The following DLG2 variants were observed in gnomAD, a reference collection of about 807,000 sequenced individuals.
The protein encoded by DLG2 is discs large MAGUK scaffold protein 2, also known as disks large homolog 2.
A neutral mutation model predicts 132.5 loss-of-function variants in DLG2; 45 were observed. That is an observed-to-expected ratio of 0.34 (90% confidence interval 0.27 to 0.44). The LOEUF (loss-of-function observed/expected upper bound fraction) is 0.44. Among genes scored for constraint, DLG2 ranks in the 20% least tolerant of loss-of-function variants. DLG2 has a pLI of 1.00. For missense variants in DLG2, 1,045 were observed against 1,196.9 expected (o/e 0.87, Z 1.87); for synonymous variants, 424 against 419.6 (o/e 1.01, Z -0.13).
At chr11:85,324,110 G>T (rs1050251670) in intron 3 of DLG2, among the ~76,000 whole-genome samples, 11 of 152,098 alleles carry the variant, frequency 7.2e-5, no homozygotes, top group Non-Finnish European at 2.9e-5. Context: ...CTTGGGGTAG[G>T]GGGTCACACA....
rs570389594 is a variant in DLG2 at position 83,622,091 on chromosome 11, T to G, written c.1940+11120A>C. ...CACCATGCCAGGCTAATTTTTGTGT[T>G]GTTTTGTTTTGTTTTTGGTAGAGAT... On this transcript the variant is annotated intron_variant, in intron 19 of 27. Coordinates refer to ENST00000376104, the MANE Select transcript of DLG2 (RefSeq NM_001142699.3). 1.6e-4 allele frequency among the ~76,000 whole-genome samples: 25 copies of G among 152,182 alleles called. No individual in the cohort carries two copies. In the East Asian group the frequency reaches 4.7e-3, roughly 28 times the overall value.
intron 7 of DLG2, among the ~76,000 whole-genome samples, chr11:84,321,747 A>C (rs569584957): frequency 6.6e-6 from 1 of 152,318 alleles, no homozygotes; most frequent in African/African-American, 2.4e-5. Flanking sequence ...ACAGCTCCAA[A>C]ATAAAGCTTC....
At chr11:84,590,359 T>G (rs1260502271) in intron 6 of DLG2, among the ~76,000 whole-genome samples, 1 of 152,204 alleles carries the variant, frequency 6.6e-6, no homozygotes, top group African/African-American at 2.4e-5. Context: ...GTTCTTAAAC[T>G]GTTGGCTATG....
chr11:84,344,345 G>T (rs1176964769), intron 7 of DLG2, among the ~76,000 whole-genome samples: 1 of 152,116 alleles, frequency 6.6e-6, no homozygotes, highest in African/African-American at 2.4e-5. Flanking sequence ...AGGGCTTTTG[G>T]AAAGGTTCAA....
chr11:85,021,497 C>T, intron 6 of DLG2: 1 of 1,479,820 alleles, frequency 6.8e-7, no homozygotes, highest in South Asian at 1.1e-5. Flanking sequence ...TGAAAGAAGG[C>T]AAAGCCGTTA....
At chr11:83,672,001 A>C (rs543337613) in intron 18 of DLG2, among the ~76,000 whole-genome samples, 1 of 152,214 alleles carries the variant, frequency 6.6e-6, no homozygotes, top group Non-Finnish European at 1.5e-5. Context: ...TTATTGAAGA[A>C]GCCTGAGTTT....
intron 6 of DLG2, among the ~76,000 whole-genome samples, chr11:84,578,347 G>A (rs1281376470): frequency 6.6e-6 from 1 of 152,074 alleles, no homozygotes; most frequent in African/African-American, 2.4e-5. Context: ...ACCTGAAAAA[G>A]CCTCAGACAC....
At chr11:83,790,192 G>A in intron 17 of DLG2, 1 of 869,206 alleles carries the variant, frequency 1.2e-6, no homozygotes, top group African/African-American at 1.7e-5. Context: ...CAGAGTCCCT[G>A]ACTGAATGCT....
At chr11:84,818,881 C>A (rs2077357102) in intron 6 of DLG2, among the ~76,000 whole-genome samples, 2 of 151,690 alleles carry the variant, frequency 1.3e-5, no homozygotes, top group Non-Finnish European at 2.9e-5. Flanking sequence ...GCCACAATGC[C>A]TTCTTCTCGG....
chr11:83,592,565 T>C (rs1342727329), intron 19 of DLG2, among the ~76,000 whole-genome samples: 8 of 152,148 alleles, frequency 5.3e-5, no homozygotes, highest in South Asian at 2.1e-4. Context: ...GGCATCACCA[T>C]TCAGGACATA....
In DLG2 at chr11:84,808,075, A is replaced by G. The variant is rs1041582396; in HGVS notation, c.358-273344T>C. Among the ~76,000 whole-genome samples the G allele has an allele frequency of 3.9e-5, 6 of 152,174 alleles. No homozygotes were observed. The East Asian group carries it at 1.2e-3, about 29-fold the overall frequency. Reference sequence around the variant, plus strand: ...CTCAAGTGCCCATAGAACATTTACAATGCATTGTATCCAGAGCCACAATGC... The same window carrying G: ...CTCAAGTGCCCATAGAACATTTACAGTGCATTGTATCCAGAGCCACAATGC... On this transcript the variant is annotated intron_variant, in intron 6 of 27. Coordinates refer to ENST00000376104, the MANE Select transcript of DLG2 (RefSeq NM_001142699.3).
intron 6 of DLG2, among the ~76,000 whole-genome samples, chr11:85,053,409 G>T (rs549598900): frequency 1.3e-5 from 2 of 152,228 alleles, no homozygotes; most frequent in South Asian, 4.1e-4. Context: ...TAAGATGACT[G>T]ATCCAGTGAG....
At chr11:83,645,084 G>C (rs2067750264) in intron 18 of DLG2, among the ~76,000 whole-genome samples, 1 of 152,102 alleles carries the variant, frequency 6.6e-6, no homozygotes, top group South Asian at 2.1e-4. Flanking sequence ...GATGGGAATG[G>C]AGAAGGGACA....
At chr11:83,599,291 T>C (rs1321281779) in intron 19 of DLG2, among the ~76,000 whole-genome samples, 3 of 152,074 alleles carry the variant, frequency 2.0e-5, no homozygotes, top group East Asian at 1.9e-4. Flanking sequence ...GCCTAACCCC[T>C]CCAGAGGAGA....
At chr11:84,508,464 G>A (rs537861899) in intron 7 of DLG2, among the ~76,000 whole-genome samples, 6 of 148,020 alleles carry the variant, frequency 4.1e-5, no homozygotes, top group South Asian at 2.1e-4. Flanking sequence ...GTGCAGTGGC[G>A]CAATCTCAGC....
At chr11:85,516,161 T>C (rs1323302609) in intron 3 of DLG2, among the ~76,000 whole-genome samples, 21 of 151,960 alleles carry the variant, frequency 1.4e-4, no homozygotes, top group Admixed American at 1.1e-3. Context: ...CTCAAAAATA[T>C]ACAAACACAT....
intron 6 of DLG2, among the ~76,000 whole-genome samples, chr11:84,786,996 A>G (rs557453551): frequency 6.6e-6 from 1 of 152,270 alleles, no homozygotes; most frequent in East Asian, 1.9e-4. Flanking sequence ...GATCTAATCT[A>G]GGAACCCAAA....
At chr11:83,549,467 T>A (rs2096329842) in intron 19 of DLG2, among the ~76,000 whole-genome samples, 1 of 152,168 alleles carries the variant, frequency 6.6e-6, no homozygotes, top group East Asian at 1.9e-4. Context: ...GCATTTCACA[T>A]AATAACTGGC....
chr11:84,891,578 GAATTTT>G (rs1216872929), intron 6 of DLG2, among the ~76,000 whole-genome samples: 2 of 152,000 alleles, frequency 1.3e-5, no homozygotes, highest in African/African-American at 4.8e-5. Flanking sequence ...TTAAATTCTT[GAATTTT>G]AATTTAAAAA....
Sources: allele counts gnomAD v4.1 joint callset (sites outside exome capture counted in the v4.1 genomes callset), GRCh38; gene constraint gnomAD v4.1.1; transcripts MANE v1.5; gene names NCBI Gene and HGNC (gene_info 2026-07-23, HGNC 2026-07-21).